TAMM41: variants seen among roughly 807,000 people sequenced by gnomAD.
The protein encoded by TAMM41 is TAM41 mitochondrial translocator assembly and maintenance homolog, also known as phosphatidate cytidylyltransferase, mitochondrial.
In TAMM41, 36 loss-of-function variants were observed where a neutral mutation model predicts 44.1. That is an observed-to-expected ratio of 0.82 (90% CI 0.63 to 1.08). TAMM41 has a LOEUF of 1.08. Ranked by LOEUF, TAMM41 falls within the 50% of genes least tolerant of loss-of-function variation. The pLI, the probability that TAMM41 is intolerant of heterozygous loss-of-function variation, is 0.00. For synonymous variants in TAMM41, 164 were observed against 153.1 expected, an observed-to-expected ratio of 1.07 and a Z score of -0.53; for missense variants, 417 against 404.3, an observed-to-expected ratio of 1.03 and a Z score of -0.27.
At chr3:11,732,992 T>G in the TAMM41 span, among the ~76,000 whole-genome samples, 9 of 104,958 alleles carry the variant, frequency 8.6e-5, 1 homozygote, top group South Asian at 2.7e-3. Flanking sequence ...GATTTGAGTT[T>G]TTTTTTTGTT....
chr3:11,747,534 C>T, the TAMM41 span, among the ~76,000 whole-genome samples: 2 of 151,896 alleles, frequency 1.3e-5, no homozygotes, highest in South Asian at 2.1e-4. Context: ...TTCAGGAGGC[C>T]GAGGTGGGAT....
chr3:11,828,537 G>A lies in TAMM41; in HGVS notation c.562+1177C>T, dbSNP rs185221900. On this transcript the variant is annotated intron_variant, in intron 4 of 7. Transcript: ENST00000455809. ...TTCCGTTCCATCATTTTTCACAGGG[G>A]AGTATGGAAAGGTAATCACTCTAAT... 6.6e-4 allele frequency among the ~76,000 whole-genome samples: 101 copies of A among 152,268 alleles called. 1 individual carries two copies. The highest frequency in any genetic ancestry group is 2.3e-3 in the African/African-American group (97 of 41,542).
intron 7 of TAMM41, among the ~76,000 whole-genome samples, chr3:11,793,059 CAAAAAAAAA>C (rs61264653): frequency 1.5e-5 from 1 of 65,126 alleles, no homozygotes; most frequent in African/African-American, 6.7e-5. Context: ...GGCCCCATCT[CAAAAAAAAA>C]AAAAAAAAAA....
At chr3:11,782,039 T>TGCACCA in the TAMM41 span, among the ~76,000 whole-genome samples, 1,942 of 152,296 alleles carry the variant, frequency 0.013, 20 homozygotes, top group Non-Finnish European at 0.02. Context: ...CAGGTGTCTT[T>TGCACCA]AGCTGCATGG....
the TAMM41 span, among the ~76,000 whole-genome samples, chr3:11,784,273 T>C: frequency 6.6e-6 from 1 of 152,228 alleles, no homozygotes; most frequent in Admixed American, 6.5e-5. Context: ...GGAGGGCAGA[T>C]CACTTGAGTT....
chr3:11,732,989 G>GTT, the TAMM41 span, among the ~76,000 whole-genome samples: 12,639 of 128,096 alleles, frequency 0.099, 719 homozygotes, highest in Middle Eastern at 0.15. Context: ...TATGATTTGA[G>GTT]TTTTTTTTTT....
chr3:11,833,186 A>G (rs1276977702), intron 3 of TAMM41: 1 of 1,275,168 alleles, frequency 7.8e-7, no homozygotes, highest in South Asian at 1.3e-5. Flanking sequence ...ATTTGTGAAT[A>G]GCTGTTTGTA....
chr3:11,744,411 C>T, the TAMM41 span, among the ~76,000 whole-genome samples: 1 of 152,016 alleles, frequency 6.6e-6, no homozygotes, highest in African/African-American at 2.4e-5. Context: ...AAGTTAATGG[C>T]AGCCGGGCAC....
the TAMM41 span, among the ~76,000 whole-genome samples, chr3:11,759,165 TCATC>T: frequency 6.6e-6 from 1 of 152,144 alleles, no homozygotes; most frequent in Non-Finnish European, 1.5e-5. Flanking sequence ...CAATTATTTT[TCATC>T]TTTGTCATTA....
At chr3:11,784,233 G>A in the TAMM41 span, among the ~76,000 whole-genome samples, 3 of 152,346 alleles carry the variant, frequency 2.0e-5, no homozygotes, top group East Asian at 5.8e-4. Flanking sequence ...GGTGGCTCAT[G>A]CCTGTAATTC....
At chr3:11,789,747 T>C (rs2077441617), downstream of TAMM41, among the ~76,000 whole-genome samples, 1 of 152,216 alleles carries the variant, frequency 6.6e-6, no homozygotes, top group Admixed American at 6.5e-5. Flanking sequence ...GAAAGGAGTC[T>C]TCTCTGTGGC....
the TAMM41 span, among the ~76,000 whole-genome samples, chr3:11,742,436 C>T: frequency 0.13 from 19,764 of 150,222 alleles, 1,905 homozygotes; most frequent in Non-Finnish European, 0.19. Flanking sequence ...CCTTTTGTCG[C>T]GGAGGAATCC....
chr3:11,801,374 C>G (rs2077749548), intron 7 of TAMM41, among the ~76,000 whole-genome samples: 1 of 152,048 alleles, frequency 6.6e-6, no homozygotes, highest in Non-Finnish European at 1.5e-5. Context: ...CTGTGTCACC[C>G]AGGCTGTGGT....
the TAMM41 span, among the ~76,000 whole-genome samples, chr3:11,725,235 C>T: frequency 0.16 from 21,410 of 130,486 alleles, 2,089 homozygotes; most frequent in East Asian, 0.46. Context: ...TCCTCCTTCT[C>T]CTTCTCCTCC....
chr3:11,784,796 CTTTTTTTTTTTT>C, the TAMM41 span, among the ~76,000 whole-genome samples: 1 of 109,034 alleles, frequency 9.2e-6, no homozygotes, highest in African/African-American at 3.6e-5. Context: ...CTTTTCTTTT[CTTTTTTTTTTTT>C]TTTTTTTTTG....
At chr3:11,772,147 T>C in the TAMM41 span, among the ~76,000 whole-genome samples, 7 of 151,850 alleles carry the variant, frequency 4.6e-5, no homozygotes, top group Non-Finnish European at 8.8e-5. Flanking sequence ...CTCAGCTCAC[T>C]GTAAACTCCA....
chr3:11,739,953 G>A, the TAMM41 span, among the ~76,000 whole-genome samples: 14 of 152,172 alleles, frequency 9.2e-5, no homozygotes, highest in East Asian at 1.5e-3. Context: ...GATGCTTCAC[G>A]CATGTTTTTG....
chr3:11,819,993 A>C (rs2078449214), intron 4 of TAMM41, among the ~76,000 whole-genome samples: 1 of 152,142 alleles, frequency 6.6e-6, no homozygotes, highest in Admixed American at 6.5e-5. Flanking sequence ...TCTCGGTATT[A>C]GGGTAGTGAA....
At position 11,831,906 on chromosome 3, in the gene TAMM41, T is replaced by C. The variant is rs569445443; in HGVS notation, c.412-2042A>G. Among the ~76,000 whole-genome samples, 5 of 152,308 alleles carry C rather than the reference T, an allele frequency of 3.3e-5. No individual in the cohort carries two copies. In the South Asian group the frequency reaches 1.0e-3, roughly 32 times the overall value. On this transcript the variant is annotated intron_variant, in intron 3 of 7. Coordinates refer to ENST00000455809, the MANE Select transcript of TAMM41 (RefSeq NM_001284401.2). ...CTCCCTTACAATTCTGAGGACTTAA[T>C]GGACCTTAATTAAGCCTTTCAGCAC...
Sources: gnomAD v4.1 joint callset for allele counts (sites outside exome capture counted in the v4.1 genomes callset) on GRCh38, gnomAD v4.1.1 for gene constraint, MANE v1.5 for transcripts, NCBI Gene and HGNC (gene_info 2026-07-23, HGNC 2026-07-21) for gene names.